Variants in P2RY10 observed in about 807,000 individuals in gnomAD.
P2RY10 encodes the protein putative P2Y purinoceptor 10.
Under a neutral mutation model 12.1 loss-of-function variants are expected in P2RY10, and 4 were observed. That is an observed-to-expected ratio of 0.33 (90% CI 0.16 to 0.76). The LOEUF is 0.76. Among genes scored for constraint, P2RY10 ranks in the 30% least tolerant of loss-of-function variants. The pLI is 0.61. For missense variants in P2RY10, 233 were observed against 264.6 expected, an observed-to-expected ratio of 0.88 and a Z score of 0.83; for synonymous variants, 112 against 94.1, an observed-to-expected ratio of 1.19 and a Z score of -1.10.
chrX:78,960,960 G>A lies in P2RY10; in HGVS notation c.440G>A (p.Arg147Lys), dbSNP rs748404698. ...TTCAGGGCCAGAGACTGGAAGCGTA[G>A]GTACGATGTGGGCATCAGTGCTGCC... Reference protein sequence around the residue: ...KPFRARDWKRRYDVGISAAIW... With the variant: ...KPFRARDWKRKYDVGISAAIW... Residue 147 changes from arginine (R) to lysine (K), a missense_variant, in exon 4 of 4, where the codon AGG becomes AAG. Transcript: ENST00000171757. 1.6e-5 allele frequency: 19 copies of A among 1,209,727 alleles called. No individual in the cohort carries two copies. Among genetic ancestry groups the A allele is most frequent in the East Asian group, 8.9e-5 (3 of 33,766 alleles).
In P2RY10 at chrX:78,961,683, G is replaced by A; in HGVS notation, c.*143G>A. The stretch of plus-strand genomic sequence containing the variant: ...TTTTGTGTAATATTCACAGTCAACA[G>A]GGGTGTGATGGTGAAGGCAGAGTGT... On this transcript the variant is annotated 3_prime_UTR_variant, in exon 4 of 4. Transcript: ENST00000171757. 2 of 431,594 alleles carry A rather than the reference G, an allele frequency of 4.6e-6. No individual in the cohort carries two copies. Among genetic ancestry groups the A allele is most frequent in the Middle Eastern group, 1.3e-3 (2 of 1,550 alleles). The allele number at this position is 431,594 out of a possible 1,213,427, so 35.6% of individuals were successfully genotyped here. A position where few individuals can be genotyped will look rare whatever the true frequency, so the allele number is the denominator to read the frequency against.
chrX:78,946,174 T>C (rs1411608189), intron 1 of P2RY10, among the ~76,000 whole-genome samples: 1 of 111,542 alleles, frequency 9.0e-6, no homozygotes, highest in Non-Finnish European at 1.9e-5. Context: ...TCCCAGAGAA[T>C]ACTGTAAATT....
intron 1 of P2RY10, among the ~76,000 whole-genome samples, chrX:78,946,077 G>A (rs764557322): frequency 3.6e-5 from 4 of 111,467 alleles, no homozygotes; most frequent in Non-Finnish European, 5.7e-5. Flanking sequence ...AAGACACTTA[G>A]GTTCACTCAG....
chrX:78,950,028 C>G (rs1171457569), intron 2 of P2RY10, among the ~76,000 whole-genome samples: 1 of 112,224 alleles, frequency 8.9e-6, no homozygotes, highest in Non-Finnish European at 1.9e-5. Context: ...GGGCCCCCAT[C>G]AGCAACTTGT....
At chrX:78,949,353 G>A (rs1299161856) in intron 2 of P2RY10, among the ~76,000 whole-genome samples, 1 of 111,893 alleles carries the variant, frequency 8.9e-6, no homozygotes, top group Non-Finnish European at 1.9e-5. Context: ...TGTTTACTCG[G>A]ATTATTATTT....
chrX:78,955,805 C>A (rs1328275577), intron 3 of P2RY10, among the ~76,000 whole-genome samples: 1 of 111,606 alleles, frequency 9.0e-6, no homozygotes, highest in African/African-American at 3.3e-5. Flanking sequence ...TAGGAAGTTT[C>A]TCAGGGACAC....
intron 2 of P2RY10, among the ~76,000 whole-genome samples, chrX:78,951,158 T>C (rs896113386): frequency 5.4e-5 from 6 of 111,964 alleles, no homozygotes; most frequent in Admixed American, 1.9e-4. Context: ...AGTAAGATTT[T>C]GGGCTCAGCT....
chrX:78,958,722 TGA>T (rs1447142176), intron 3 of P2RY10, among the ~76,000 whole-genome samples: 1 of 112,194 alleles, frequency 8.9e-6, no homozygotes, highest in East Asian at 2.8e-4. Context: ...TTTCCATTTG[TGA>T]GAGTCCCTTC....
Position 78,961,495 on chromosome X carries a change from C to T in P2RY10, c.975C>T (p.Arg325=), listed in dbSNP as rs751091233. The change falls in exon 4 of 4, where the codon CGC becomes CGT. Residue 325 remains arginine, a synonymous_variant. Transcript: ENST00000171757. Reference sequence around the variant, plus strand: ...CCCGCCATGGCAGTTCTGTGACCCGCTCCCGCCTCATGAGCAAGGAGAGTG... The same window carrying T: ...CCCGCCATGGCAGTTCTGTGACCCGTTCCCGCCTCATGAGCAAGGAGAGTG... ...QLSRHGSSVT[R]SRLMSKESGS... 3 of 1,206,739 alleles carry T rather than the reference C, an allele frequency of 2.5e-6. No individual in the cohort carries two copies. Among genetic ancestry groups the T allele is most frequent in the Admixed American group, 4.4e-5 (2 of 45,432 alleles).
rs774853906 is a variant in P2RY10 at position 78,948,598 on chromosome X, T to C, written c.-157+735T>C. ...TGCACGTTGTACCTAATGTGTAATA[T>C]TTTTATGCCTAGCCTGTCTCACCCA... On this transcript the variant is annotated intron_variant, in intron 2 of 3. Transcript: ENST00000171757. Among the ~76,000 whole-genome samples, 159 of 111,868 alleles carry C rather than the reference T, an allele frequency of 1.4e-3. 3 individuals are homozygous for C. In the Admixed American group the frequency reaches 0.015, roughly 10 times the overall value.
intron 3 of P2RY10, among the ~76,000 whole-genome samples, chrX:78,959,443 T>C (rs1922499584): frequency 9.0e-6 from 1 of 111,496 alleles, no homozygotes; most frequent in East Asian, 2.8e-4. Flanking sequence ...CTGCAGGCAA[T>C]CAGCATAATT....
intron 2 of P2RY10, among the ~76,000 whole-genome samples, chrX:78,951,159 G>A (rs1922084640): frequency 9.0e-6 from 1 of 111,526 alleles, no homozygotes; most frequent in African/African-American, 3.3e-5. Context: ...GTAAGATTTT[G>A]GGCTCAGCTC....
intron 1 of P2RY10, among the ~76,000 whole-genome samples, chrX:78,947,089 C>T (rs1364423019): frequency 9.1e-6 from 1 of 110,470 alleles, no homozygotes; most frequent in African/African-American, 3.3e-5. Context: ...GTGGCAGGCG[C>T]CTGTAATCCC....
At chrX:78,952,842 A>G (rs1354046893) in intron 3 of P2RY10, among the ~76,000 whole-genome samples, 1 of 111,897 alleles carries the variant, frequency 8.9e-6, no homozygotes, top group African/African-American at 3.2e-5. Flanking sequence ...ATCTCAATTT[A>G]CTCTTTGAGC....
chrX:78,956,455 T>A (rs1016752468), intron 3 of P2RY10, among the ~76,000 whole-genome samples: 1 of 111,834 alleles, frequency 8.9e-6, no homozygotes, highest in African/African-American at 3.3e-5. Context: ...AGTTCAATTA[T>A]ACTTTTTATA....
chrX:78,946,762 T>C (rs1274568108), intron 1 of P2RY10, among the ~76,000 whole-genome samples: 2 of 112,584 alleles, frequency 1.8e-5, no homozygotes, highest in East Asian at 5.5e-4. Flanking sequence ...TGGTTCCTGT[T>C]GAACACAGAT....
chrX:78,948,882 G>T (rs1190094650), intron 2 of P2RY10, among the ~76,000 whole-genome samples: 1 of 111,663 alleles, frequency 9.0e-6, no homozygotes, highest in Non-Finnish European at 1.9e-5. Flanking sequence ...TTGGCACATA[G>T]ATTCATTCCA....
intron 3 of P2RY10, among the ~76,000 whole-genome samples, chrX:78,957,387 C>CACACACAGAGAGAGAG (rs760263078): frequency 1.1e-4 from 8 of 75,828 alleles, no homozygotes; most frequent in Non-Finnish European, 1.9e-4. Flanking sequence ...CACACACACA[C>CACACACAGAGAGAGAG]AGAGAGAGAG....
chrX:78,946,770 G>C (rs942058004), intron 1 of P2RY10, among the ~76,000 whole-genome samples: 1 of 112,458 alleles, frequency 8.9e-6, no homozygotes, highest in Non-Finnish European at 1.9e-5. Flanking sequence ...GTTGAACACA[G>C]ATTCTTTGGC....
Sources: allele counts gnomAD v4.1 joint callset (sites outside exome capture counted in the v4.1 genomes callset), GRCh38; gene constraint gnomAD v4.1.1; transcripts MANE v1.5; gene names NCBI Gene and HGNC (gene_info 2026-07-23, HGNC 2026-07-21).